Variants in DST observed in about 807,000 individuals in gnomAD.
DST encodes bullous pemphigoid antigen.
DST carries 253 observed loss-of-function variants against 875.2 expected under a neutral mutation model. The ratio of observed to expected loss-of-function variants is 0.29; its 90% CI spans 0.26 to 0.32. The LOEUF (loss-of-function observed/expected upper bound fraction) is 0.32, where lower values mean the gene tolerates loss of function less well. Ranked by LOEUF, DST falls within the 10% of genes least tolerant of loss-of-function variation. DST has a pLI of 1.00. For missense variants in DST, 8,287 were observed against 9,111.6 expected, an observed-to-expected ratio of 0.91 and a Z score of 3.68; for synonymous variants, 3,124 against 3,197.1, an observed-to-expected ratio of 0.98 and a Z score of 0.77.
In DST at chr6:56,561,292, C is replaced by A. The variant is rs1241055393; in HGVS notation, c.14310+16G>T. Reference sequence around the variant, plus strand: ...TTCTCTTTCATGTCTTCCATAGGTGCACCCACAGAATATACCTTATTCTGC... The same window carrying A: ...TTCTCTTTCATGTCTTCCATAGGTGAACCCACAGAATATACCTTATTCTGC... On this transcript the variant is annotated intron_variant, in intron 57 of 103. Coordinates refer to ENST00000680361, the MANE Select transcript of DST (RefSeq NM_001374736.1). The A allele has an allele frequency of 1.0e-5, 16 of 1,597,942 alleles. No homozygotes were observed. Among genetic ancestry groups the A allele is most frequent in the Non-Finnish European group, 1.4e-5 (16 of 1,170,560 alleles).
At chr6:56,809,348 T>A (rs1330938813) in intron 4 of DST, among the ~76,000 whole-genome samples, 1 of 152,210 alleles carries the variant, frequency 6.6e-6, no homozygotes, top group African/African-American at 2.4e-5. Flanking sequence ...CATCTTTTTC[T>A]GTCAGGGCAT....
rs747680049 is a variant in DST at position 56,618,999 on chromosome 6, T to A, written c.4930-4515A>T. 7 of 1,614,238 alleles carry A rather than the reference T, an allele frequency of 4.3e-6. No homozygotes were observed. Among genetic ancestry groups the A allele is most frequent in the Non-Finnish European group, 5.9e-6 (7 of 1,180,038 alleles). ...TCCGCATTCAGATTTCTAACTTCTTTCTTGGTATTCTGGATGATAATGTTC... is the reference window on the plus strand; with the variant it reads ...TCCGCATTCAGATTTCTAACTTCTTACTTGGTATTCTGGATGATAATGTTC... On this transcript the variant is annotated intron_variant, in intron 36 of 103. Transcript: ENST00000680361.
intron 28 of DST, 37 bp downstream of exon 28, chr6:56,632,817 C>T (rs757468835): frequency 6.3e-6 from 10 of 1,582,916 alleles, no homozygotes; most frequent in African/African-American, 4.0e-5. Flanking sequence ...AACTAAACAC[C>T]TATGGGGAAA....
intron 32 of DST, 124 bp downstream of exon 32, chr6:56,629,125 AG>A: frequency 1.1e-6 from 1 of 887,934 alleles, no homozygotes; most frequent in Non-Finnish European, 1.8e-6. Flanking sequence ...ATGGCTAAGT[AG>A]AGGTATTGTA....
At position 56,561,670 on chromosome 6, in the gene DST, GTAGA is replaced by G. The variant is rs1272446455; in HGVS notation, c.14069-125_14069-122del. ...TTCTAGCTTGTCATTATTAAGCCTA[GTAGA>G]TAAAGTCATAAGCTTTTCAGAAATA... On this transcript the variant is annotated intron_variant, in intron 56 of 103. Coordinates refer to ENST00000680361, the MANE Select transcript of DST (RefSeq NM_001374736.1). 5.6e-6 allele frequency: 5 copies of G among 895,628 alleles called. No homozygotes were observed. In the African/African-American group the frequency reaches 6.7e-5, roughly 12 times the overall value. The allele number at this position is 895,628 out of a possible 1,614,324, so 55.5% of individuals were successfully genotyped here. A position where few individuals can be genotyped will look rare whatever the true frequency, so the allele number is the denominator to read the frequency against.
intron 4 of DST, chr6:56,842,909 G>A: frequency 2.7e-6 from 2 of 728,288 alleles, no homozygotes; most frequent in Non-Finnish European, 3.8e-6. Context: ...ACTAAATCCC[G>A]TGCAAAAAGA....
At chr6:56,748,986 A>G (rs1408751183) in intron 4 of DST, among the ~76,000 whole-genome samples, 1 of 152,218 alleles carries the variant, frequency 6.6e-6, no homozygotes, top group African/African-American at 2.4e-5. Context: ...AAACTGCATA[A>G]AAGTCCCCTA....
intron 82 of DST, 100 bp downstream of exon 82, chr6:56,497,278 AT>A: frequency 3.7e-6 from 5 of 1,360,888 alleles, no homozygotes; most frequent in Non-Finnish European, 5.0e-6. Context: ...CATAAACTAT[AT>A]CTTTAAAGCC....
At chr6:56,577,123 TTAAA>T (rs149946466) in intron 50 of DST, among the ~76,000 whole-genome samples, 9,583 of 152,214 alleles carry the variant, frequency 0.063, 873 homozygotes, top group African/African-American at 0.21. Context: ...CCTCTATACC[TTAAA>T]TAGTTTCACA....
chr6:56,597,812 C>G lies in DST; in HGVS notation c.12123G>C (p.Leu4041=), dbSNP rs745350452. 5.0e-6 allele frequency: 8 copies of G among 1,613,942 alleles called. No individual in the cohort carries two copies. Among genetic ancestry groups the G allele is most frequent in the Non-Finnish European group, 6.8e-6 (8 of 1,179,856 alleles). Residue 4041 remains leucine (L), a synonymous_variant, in exon 47 of 104, where the codon CTG becomes CTC. Transcript: ENST00000680361. The part of the protein sequence containing the change: ...IGEEDEVNGN[L]LETDVDGQVG... ...CTTGCCCATCAACATCAGTCTCCAACAGGTTACCATTAACTTCATCCTCTT... is the reference window on the plus strand; with the variant it reads ...CTTGCCCATCAACATCAGTCTCCAAGAGGTTACCATTAACTTCATCCTCTT...
In DST at chr6:56,553,516, G is replaced by C; in HGVS notation, c.15276C>G (p.Val5092=). The change falls in exon 61 of 104, where the codon GTC becomes GTG. Residue 5092 remains valine (V), a synonymous_variant. Coordinates refer to ENST00000680361, the MANE Select transcript of DST (RefSeq NM_001374736.1). ...KSHPISAKLD[V]LESLIKDHKD... ...TATGATCTTTAATTAATGACTCCAA[G>C]ACATCGAGTTTGGCAGATATTGGAT... is the stretch of plus-strand genomic sequence containing the variant. 1 of 1,613,876 alleles carries C rather than the reference G, an allele frequency of 6.2e-7. No individual in the cohort carries two copies. Among genetic ancestry groups the C allele is most frequent in the Non-Finnish European group, 8.5e-7 (1 of 1,179,868 alleles).
At chr6:56,647,072 C>G (rs2098947180) in intron 13 of DST, among the ~76,000 whole-genome samples, 1 of 151,962 alleles carries the variant, frequency 6.6e-6, no homozygotes, top group Non-Finnish European at 1.5e-5. Context: ...TCTTCTATAA[C>G]TAAGAATCTA....
At position 56,553,462 on chromosome 6, in the gene DST, C is replaced by T. The variant is rs2097352032; in HGVS notation, c.15330G>A (p.Gln5110=). 6.2e-7 allele frequency: 1 copy of T among 1,612,986 alleles called. No individual in the cohort carries two copies. Among genetic ancestry groups the T allele is most frequent in the South Asian group, 1.1e-5 (1 of 90,804 alleles). The stretch of plus-strand genomic sequence containing the variant: ...CAATGGTTTTTTCATACATATGAGA[C>T]TGAGCGGTCAAAGTTTTACTAAAGT... ...HKDFSKTLTA[Q]SHMYEKTIAE... The change falls in exon 61 of 104, where the codon CAG becomes CAA. Residue 5110 remains glutamine (Q), a synonymous_variant. Transcript: ENST00000680361.
At chr6:56,743,544 G>A (rs372292792) in intron 4 of DST, among the ~76,000 whole-genome samples, 1 of 152,108 alleles carries the variant, frequency 6.6e-6, no homozygotes, top group African/African-American at 2.4e-5. Flanking sequence ...GAAAGCCTAA[G>A]CCTGTCTATT....
intron 2 of DST, among the ~76,000 whole-genome samples, chr6:56,916,778 T>TCTCTCTCTCTCTCTCTCTCA (rs1470233953): frequency 1.2e-4 from 11 of 91,342 alleles, no homozygotes; most frequent in African/African-American, 5.6e-4. Context: ...TCTCTCTCTC[T>TCTCTCTCTCTCTCTCTCTCA]CACACACACA....
intron 2 of DST, among the ~76,000 whole-genome samples, chr6:56,927,596 A>G (rs975631675): frequency 6.6e-6 from 1 of 151,656 alleles, no homozygotes; most frequent in African/African-American, 2.4e-5. Context: ...AGTGTCTAGA[A>G]GTGTCTAGGG....
chr6:56,904,873 G>A (rs1280642617), intron 2 of DST, among the ~76,000 whole-genome samples: 4 of 152,056 alleles, frequency 2.6e-5, no homozygotes, highest in East Asian at 3.9e-4. Context: ...CACTGCAACC[G>A]CCGCCTCCCG....
chr6:56,647,788 C>T lies in DST; in HGVS notation c.1554+782G>A, dbSNP rs555181008. Among the ~76,000 whole-genome samples, 11 of 151,454 alleles carry T rather than the reference C, an allele frequency of 7.3e-5. 1 individual carries two copies. The South Asian group carries it at 2.1e-3, about 29-fold the overall frequency. ...GCAACCTCCACCTCCCAGGTTCAAG[C>T]GATTCTCCTGCCTCAGCCTCCTGAG... On this transcript the variant is annotated intron_variant, in intron 13 of 103. Transcript: ENST00000680361.
At chr6:56,670,901 G>A in intron 9 of DST, 94 bp from the exon 10 acceptor site, 1 of 700,508 alleles carries the variant, frequency 1.4e-6, no homozygotes, top group Non-Finnish European at 2.2e-6. Flanking sequence ...CAAAATCTAA[G>A]ATTAGGATAA....
Sources: allele counts gnomAD v4.1 joint callset (sites outside exome capture counted in the v4.1 genomes callset), GRCh38; gene constraint gnomAD v4.1.1; transcripts MANE v1.5; gene names NCBI Gene and HGNC (gene_info 2026-07-23, HGNC 2026-07-21).